RYR1: variants seen among roughly 807,000 people sequenced by gnomAD.
RYR1 encodes the protein ryanodine receptor 1.
In RYR1, 342 loss-of-function variants were observed where a neutral mutation model predicts 583.5. The ratio of observed to expected loss-of-function variants is 0.59; its 90% CI spans 0.54 to 0.64. The LOEUF (loss-of-function observed/expected upper bound fraction) is 0.64, where lower values mean the gene tolerates loss of function less well. Among genes scored for constraint, RYR1 ranks in the 30% least tolerant of loss-of-function variants. The pLI, the probability that RYR1 is intolerant of heterozygous loss-of-function variation, is 0.00. For missense variants in RYR1, 6,032 were observed against 6,917.2 expected (o/e 0.87, Z 4.54); for synonymous variants, 2,791 against 2,822.5 (o/e 0.99, Z 0.35).
chr19:38,496,849 C>G lies in RYR1; in HGVS notation c.6797-11C>G. On this transcript the variant is annotated splice_polypyrimidine_tract_variant and intron_variant, in intron 41 of 105. Transcript: ENST00000359596. This position sits in a 1 kb window ranked among gnomAD's most constrained non-coding sequence, Gnocchi z 4.8. Reference sequence around the variant, plus strand: ...GGAGTGAGATGTTCTCCCCACCTCTCGCCCCTGCAGGCATGCAGGGCTCCA... The same window carrying G: ...GGAGTGAGATGTTCTCCCCACCTCTGGCCCCTGCAGGCATGCAGGGCTCCA... 1.2e-6 allele frequency: 2 copies of G among 1,610,548 alleles called. No homozygotes were observed. The highest frequency in any genetic ancestry group is 1.7e-6 in the Non-Finnish European group (2 of 1,177,454).
intron 29 of RYR1, among the ~76,000 whole-genome samples, chr19:38,477,212 G>A (rs576751536): frequency 4.1e-4 from 62 of 151,950 alleles, no homozygotes; most frequent in African/African-American, 1.4e-3. Context: ...GCACGATCTC[G>A]GCTCACTGCA....
At chr19:38,495,845 C>A (rs1231560615) in intron 39 of RYR1, among the ~76,000 whole-genome samples, 3 of 152,152 alleles carry the variant, frequency 2.0e-5, no homozygotes, top group Admixed American at 2.0e-4. Context: ...TCACTGCAAC[C>A]TCCGCATACC....
chr19:38,463,862 G>A lies in RYR1; in HGVS notation c.2786+12G>A. The stretch of plus-strand genomic sequence containing the variant: ...GGGGAGACGCTCAAGTGAGGGCCCA[G>A]GGGAGCCGGGGGTTGGGGCTGGCTG... On this transcript the variant is annotated intron_variant, in intron 22 of 105. Transcript: ENST00000359596. 6.2e-7 allele frequency: 1 copy of A among 1,607,948 alleles called. No homozygotes were observed. Among genetic ancestry groups the A allele is most frequent in the Non-Finnish European group, 8.5e-7 (1 of 1,174,692 alleles).
intron 56 of RYR1, 91 bp from the exon 57 acceptor site, chr19:38,506,738 A>G: frequency 6.3e-7 from 1 of 1,588,390 alleles, no homozygotes; most frequent in Non-Finnish European, 8.6e-7. Context: ...TTATCACCAT[A>G]ATTACGCATG....
intron 37 of RYR1, among the ~76,000 whole-genome samples, chr19:38,491,399 C>T (rs914733422): frequency 1.7e-4 from 26 of 151,242 alleles, no homozygotes; most frequent in African/African-American, 2.4e-5. Flanking sequence ...CACTTGATGG[C>T]ATCCCACAGG....
At chr19:38,442,012 G>C (rs1277628126) in intron 2 of RYR1, among the ~76,000 whole-genome samples, 1 of 151,862 alleles carries the variant, frequency 6.6e-6, no homozygotes, top group Non-Finnish European at 1.5e-5. Context: ...AGCAGGGTCA[G>C]TGTGTCTCAG....
intron 57 of RYR1, among the ~76,000 whole-genome samples, chr19:38,507,201 G>A (rs1368374135): frequency 6.6e-6 from 1 of 151,102 alleles, no homozygotes; most frequent in Non-Finnish European, 1.5e-5. Context: ...GAAGGGCGGG[G>A]CCCAGGGAGC....
chr19:38,499,530 C>G lies in RYR1; in HGVS notation c.7028-105C>G. ...CCTCTGGAGGTGTTGGGTCCTGGAG[C>G]TGGATGGGACCTGTGTTACCCCTGG... On this transcript the variant is annotated intron_variant, in intron 43 of 105. Transcript: ENST00000359596. The surrounding 1 kb of genome is among the most constrained non-coding windows in gnomAD (Gnocchi z 7.3). The G allele has an allele frequency of 7.5e-7, 1 of 1,334,742 alleles. No homozygotes were observed. The highest frequency in any genetic ancestry group is 1.0e-6 in the Non-Finnish European group (1 of 960,844). 82.7% of individuals were successfully genotyped at this position (1,334,742 alleles called of 1,614,324 possible).
At chr19:38,578,268 ACGT>A (rs1478494406) in intron 99 of RYR1, 64 bp downstream of exon 99, 1 of 1,543,300 alleles carries the variant, frequency 6.5e-7, no homozygotes, top group African/African-American at 1.4e-5. Flanking sequence ...AGGGTTCCCA[ACGT>A]CGGGTGTTCC....
intron 60 of RYR1, among the ~76,000 whole-genome samples, chr19:38,511,091 T>A (rs1232926763): frequency 6.6e-6 from 1 of 151,794 alleles, no homozygotes; most frequent in Non-Finnish European, 1.5e-5. Flanking sequence ...AAGCCAGGAG[T>A]TTGAGGCCAG....
At chr19:38,549,334 A>G (rs981480741) in intron 89 of RYR1, among the ~76,000 whole-genome samples, 3 of 152,144 alleles carry the variant, frequency 2.0e-5, no homozygotes, top group Non-Finnish European at 4.4e-5. Context: ...GTTCATGCCT[A>G]TAATCCCAGC....
chr19:38,477,591 A>G, intron 29 of RYR1, 119 bp from the exon 30 acceptor site: 1 of 1,293,566 alleles, frequency 7.7e-7, no homozygotes, highest in Non-Finnish European at 1.1e-6. Flanking sequence ...CTCAGATCCA[A>G]CAACTTCCTG....
Position 38,555,446 on chromosome 19 carries a change from C to CAA in RYR1, c.12283-5649_12283-5648dup, listed in dbSNP as rs56911809. 3.4e-4 allele frequency among the ~76,000 whole-genome samples: 28 copies of CAA among 83,494 alleles called. 1 individual carries two copies. The highest frequency in any genetic ancestry group is 9.9e-4 in the African/African-American group (26 of 26,368). The allele number at this position is 83,494 out of a possible 152,430, so 54.8% of individuals were successfully genotyped here. Reference sequence around the variant, plus strand: ...TGAGCAACAGAGTGAGACCCTGCCTCAAAAAAAAAAAAAAAAAAATGCATG... The same window carrying CAA: ...TGAGCAACAGAGTGAGACCCTGCCTCAAAAAAAAAAAAAAAAAAAAATGCATG... On this transcript the variant is annotated intron_variant, in intron 89 of 105. Coordinates refer to ENST00000359596, the MANE Select transcript of RYR1 (RefSeq NM_000540.3).
intron 76 of RYR1, among the ~76,000 whole-genome samples, chr19:38,530,587 C>T (rs763870647): frequency 6.6e-6 from 1 of 151,914 alleles, no homozygotes; most frequent in African/African-American, 2.4e-5. Flanking sequence ...GTTTTTCTTA[C>T]ATAACGTGAA....
Position 38,434,730 on chromosome 19 carries a change from C to T in RYR1, c.45+856C>T, listed in dbSNP as rs1055740437. On this transcript the variant is annotated intron_variant, in intron 1 of 105. Transcript: ENST00000359596. ...AGGGGCTGCCATCTCCTTGTCCTTC[C>T]CATCTTCCCCTCCCAGTGGCTCCGC... Among the ~76,000 whole-genome samples the T allele has an allele frequency of 5.3e-5, 8 of 152,258 alleles. No individual in the cohort carries two copies. The South Asian group carries it at 8.3e-4, about 16-fold the overall frequency.
chr19:38,501,632 A>G (rs1970125269), intron 47 of RYR1, among the ~76,000 whole-genome samples: 1 of 152,216 alleles, frequency 6.6e-6, no homozygotes, highest in African/African-American at 2.4e-5. Context: ...GGCAAAGTCA[A>G]GGTCACTGGA....
chr19:38,563,286 A>T (rs1002596194), intron 90 of RYR1, among the ~76,000 whole-genome samples: 5 of 152,158 alleles, frequency 3.3e-5, no homozygotes, highest in African/African-American at 1.2e-4. Flanking sequence ...GTTGTTTGAG[A>T]CAGAGTTTCG....
chr19:38,532,881 C>T (rs1272792162), intron 78 of RYR1, 145 bp downstream of exon 78: 6 of 785,930 alleles, frequency 7.6e-6, no homozygotes, highest in South Asian at 1.6e-5. Flanking sequence ...CAGATACACC[C>T]GCCAAACTAA....
intron 60 of RYR1, 41 bp from the exon 61 acceptor site, chr19:38,511,520 T>G (rs768067383): frequency 8.7e-6 from 14 of 1,611,072 alleles, no homozygotes; most frequent in Non-Finnish European, 1.2e-5. Context: ...GCCTCCTCAC[T>G]CGCTGTTTCT....
Sources: gnomAD v4.1 joint callset for allele counts (sites outside exome capture counted in the v4.1 genomes callset) on GRCh38, gnomAD v4.1.1 for gene constraint, Gnocchi (gnomAD v3.1) non-coding constraint, MANE v1.5 for transcripts, NCBI Gene and HGNC (gene_info 2026-07-23, HGNC 2026-07-21) for gene names.